The following MTMR6 variants were observed in gnomAD, a reference collection of about 807,000 sequenced individuals.
MTMR6 encodes myotubularin related protein 6.
In MTMR6, 47 loss-of-function variants were observed where a neutral mutation model predicts 80.1. That is an observed-to-expected ratio of 0.59 (90% CI 0.46 to 0.75). The LOEUF is 0.75. Among genes scored for constraint, MTMR6 ranks in the 30% least tolerant of loss-of-function variants. The pLI, the probability that MTMR6 is intolerant of heterozygous loss-of-function variation, is 0.00. For synonymous variants in MTMR6, 254 were observed against 253.0 expected, an observed-to-expected ratio of 1.00 and a Z score of -0.04; for missense variants, 629 against 730.9, an observed-to-expected ratio of 0.86 and a Z score of 1.61.
intron 2 of MTMR6, among the ~76,000 whole-genome samples, chr13:25,272,670 C>T (rs2137593807): frequency 6.6e-6 from 1 of 152,292 alleles, no homozygotes; most frequent in South Asian, 2.1e-4. Flanking sequence ...CAATGTTAAG[C>T]TCCCACTTAT....
chr13:25,274,225 T>C (rs1470138392), intron 1 of MTMR6, 38 bp from the exon 2 acceptor site: 2 of 1,374,218 alleles, frequency 1.5e-6, no homozygotes, highest in African/African-American at 1.5e-5. Context: ...ATTTCAAAAG[T>C]AGTATAAATT....
At chr13:25,257,101 G>A in intron 9 of MTMR6, 95 bp downstream of exon 9, 1 of 1,296,994 alleles carries the variant, frequency 7.7e-7, no homozygotes, top group Admixed American at 2.5e-5. Context: ...ATTTCCTTTA[G>A]TGCAAAACTG....
At chr13:25,283,858 T>C (rs1248047681) in intron 1 of MTMR6, among the ~76,000 whole-genome samples, 1 of 152,192 alleles carries the variant, frequency 6.6e-6, no homozygotes, top group Admixed American at 6.5e-5. Context: ...TTGGCAGGAC[T>C]ATGTCATTAT....
chr13:25,260,690 A>G lies in MTMR6; in HGVS notation c.726+978T>C, dbSNP rs767044309. 3.2e-6 allele frequency: 4 copies of G among 1,252,278 alleles called. No individual in the cohort carries two copies. The South Asian group carries it at 4.0e-5, about 12-fold the overall frequency. The allele number at this position is 1,252,278 out of a possible 1,614,324, so 77.6% of individuals were successfully genotyped here. On this transcript the variant is annotated intron_variant, in intron 6 of 13. Coordinates refer to ENST00000381801, the MANE Select transcript of MTMR6 (RefSeq NM_004685.5). Reference sequence around the variant, plus strand: ...GCCCACCAGCTCTGCATGCGACGCTATAACAAAAATTAAAAGTAACGTTAG... The same window carrying G: ...GCCCACCAGCTCTGCATGCGACGCTGTAACAAAAATTAAAAGTAACGTTAG...
intron 1 of MTMR6, among the ~76,000 whole-genome samples, chr13:25,283,513 G>A (rs933277792): frequency 6.6e-6 from 1 of 152,076 alleles, no homozygotes; most frequent in Non-Finnish European, 1.5e-5. Context: ...TTCTTTCAGA[G>A]GGAAGGTATA....
chr13:25,273,525 A>AT (rs61701580), intron 2 of MTMR6, among the ~76,000 whole-genome samples: 3,804 of 137,590 alleles, frequency 0.028, 69 homozygotes, highest in Middle Eastern at 0.074. Flanking sequence ...GAACAATAGG[A>AT]TTTTTTTTTT....
rs775042821 is a variant in MTMR6, at chr13:25,266,137, C to A, written c.454G>T (p.Asp152Tyr). The change falls in exon 4 of 14, where the codon GAC becomes TAC. Residue 152 changes from aspartate to tyrosine, a missense_variant. Physicochemically the swap from Asp to Tyr is radical, Grantham distance 160. Coordinates refer to ENST00000381801, the MANE Select transcript of MTMR6 (RefSeq NM_004685.5). ...SHWQLSDANR[D>Y]YKICETYPRE... The stretch of plus-strand genomic sequence containing the variant: ...AAATGTTGTTAAGGTACCTTGTAGT[C>A]CCGGTTGGCATCAGACAACTGCCAG... 6.2e-6 allele frequency: 10 copies of A among 1,613,582 alleles called. No individual in the cohort carries two copies. The highest frequency in any genetic ancestry group is 1.6e-4 in the Middle Eastern group (1 of 6,084).
At chr13:25,282,126 G>A (rs934923396) in intron 1 of MTMR6, among the ~76,000 whole-genome samples, 1 of 152,068 alleles carries the variant, frequency 6.6e-6, no homozygotes, top group African/African-American at 2.4e-5. Context: ...CCCTCAAAGG[G>A]TTTTTGCCCC....
At chr13:25,280,769 A>T (rs1340898419) in intron 1 of MTMR6, among the ~76,000 whole-genome samples, 1 of 152,230 alleles carries the variant, frequency 6.6e-6, no homozygotes, top group East Asian at 1.9e-4. Context: ...AAAAAAAAGA[A>T]AAAAAGACTT....
chr13:25,252,422 G>A (rs1480590372), intron 11 of MTMR6, among the ~76,000 whole-genome samples: 3 of 152,174 alleles, frequency 2.0e-5, no homozygotes, highest in African/African-American at 7.2e-5. Flanking sequence ...GTGTGAGTGG[G>A]TACAAAAAGG....
At position 25,254,487 on chromosome 13, in the gene MTMR6, T is replaced by A. The variant is rs1957152170; in HGVS notation, c.1096-53A>T. 2.6e-6 allele frequency: 3 copies of A among 1,157,010 alleles called. No individual in the cohort carries two copies. The Admixed American group carries it at 5.6e-5, about 22-fold the overall frequency. The allele number at this position is 1,157,010 out of a possible 1,614,324, so 71.7% of individuals were successfully genotyped here. ...TCTGACTACTTTCAATTATTTTGTT[T>A]AGGCTGGATTAAATCTTATTAGTTT... On this transcript the variant is annotated intron_variant, in intron 9 of 13. Coordinates refer to ENST00000381801, the MANE Select transcript of MTMR6 (RefSeq NM_004685.5).
In MTMR6 at chr13:25,257,287, T is replaced by G. The variant is rs773843434; in HGVS notation, c.1004A>C (p.His335Pro). Residue 335 changes from histidine to proline, a missense_variant, in exon 9 of 14, where the codon CAT (histidine) becomes CCT (proline). Coordinates refer to ENST00000381801, the MANE Select transcript of MTMR6 (RefSeq NM_004685.5). ...ITVENASVLV[H>P]CSDGWDRTSQ... The stretch of plus-strand genomic sequence containing the variant: ...AGTCCTATCCCAACCATCGGAACAA[T>G]GCACCAACACACTTGCATTTTCAAC... 1 of 1,613,928 alleles carries G rather than the reference T, an allele frequency of 6.2e-7. No individual in the cohort carries two copies. The highest frequency in any genetic ancestry group is 8.5e-7 in the Non-Finnish European group (1 of 1,179,878).
At chr13:25,278,361 G>A (rs754334591) in intron 1 of MTMR6, among the ~76,000 whole-genome samples, 1 of 152,172 alleles carries the variant, frequency 6.6e-6, no homozygotes, top group African/African-American at 2.4e-5. Context: ...GGGAGGCAGA[G>A]GTAAGGCAAT....
At chr13:25,254,298 T>C in intron 10 of MTMR6, 87 bp downstream of exon 10, 1 of 940,806 alleles carries the variant, frequency 1.1e-6, no homozygotes, top group East Asian at 2.5e-5. Flanking sequence ...ATCACGCATG[T>C]GAGTTCATAA....
intron 2 of MTMR6, among the ~76,000 whole-genome samples, chr13:25,270,510 C>A (rs1328007263): frequency 6.6e-6 from 1 of 152,092 alleles, no homozygotes; most frequent in Non-Finnish European, 1.5e-5. Context: ...ATACGGGAAG[C>A]CTTCATTTAT....
At chr13:25,279,658 G>A (rs762811991) in intron 1 of MTMR6, among the ~76,000 whole-genome samples, 2 of 152,204 alleles carry the variant, frequency 1.3e-5, no homozygotes, top group Admixed American at 6.5e-5. Flanking sequence ...GAAGAAGGAT[G>A]CGTATGGAGT....
intron 1 of MTMR6, among the ~76,000 whole-genome samples, chr13:25,281,005 C>G (rs1957830367): frequency 6.6e-6 from 1 of 152,088 alleles, no homozygotes; most frequent in Admixed American, 6.5e-5. Context: ...ACAGAGAACC[C>G]CACACATACA....
chr13:25,283,714 A>T (rs74042908), intron 1 of MTMR6, among the ~76,000 whole-genome samples: 3,619 of 152,324 alleles, frequency 0.024, 157 homozygotes, highest in African/African-American at 0.083. Context: ...AGGTTCTTCC[A>T]TTCCATTCAG....
At position 25,251,796 on chromosome 13, in the gene MTMR6, T is replaced by A. The variant is rs1189690933; in HGVS notation, c.1479-21A>T. The A allele has an allele frequency of 3.1e-6, 5 of 1,602,988 alleles. No homozygotes were observed. The highest frequency in any genetic ancestry group is 3.4e-6 in the Non-Finnish European group (4 of 1,177,246). On this transcript the variant is annotated intron_variant, in intron 12 of 13. Transcript: ENST00000381801. This position sits in a 1 kb window ranked among gnomAD's most constrained non-coding sequence, Gnocchi z 4.1. ...AAAACCTTTATGACAAAAAAAAGTT[T>A]CAATAAATTGTGTTTGAGAAAATTC...
Sources: gnomAD v4.1 joint callset for allele counts (sites outside exome capture counted in the v4.1 genomes callset) on GRCh38, gnomAD v4.1.1 for gene constraint, Gnocchi (gnomAD v3.1) non-coding constraint, MANE v1.5 for transcripts, NCBI Gene and HGNC (gene_info 2026-07-23, HGNC 2026-07-21) for gene names.